KLHL1: variants seen among roughly 807,000 people sequenced by gnomAD.
The protein encoded by KLHL1 is kelch-like protein 1.
KLHL1 carries 47 observed loss-of-function variants against 77.7 expected under a neutral mutation model. The ratio of observed to expected loss-of-function variants is 0.60; its 90% CI spans 0.48 to 0.77. KLHL1 has a LOEUF of 0.77. KLHL1 is among the 30% of genes least tolerant of loss of function. The pLI, the probability that KLHL1 is intolerant of heterozygous loss-of-function variation, is 0.00. For synonymous variants in KLHL1, 360 were observed against 325.2 expected (o/e 1.11, Z -1.15); for missense variants, 925 against 910.8 (o/e 1.02, Z -0.20).
chr13:69,920,522 G>C (rs1882597943), intron 4 of KLHL1, among the ~76,000 whole-genome samples: 1 of 151,824 alleles, frequency 6.6e-6, no homozygotes, highest in South Asian at 2.1e-4. Flanking sequence ...ATATATCCTT[G>C]GATTGAATTA....
At chr13:69,713,217 G>A (rs915488275) in intron 9 of KLHL1, among the ~76,000 whole-genome samples, 2 of 151,956 alleles carry the variant, frequency 1.3e-5, no homozygotes, top group African/African-American at 2.4e-5. Context: ...GAAATTATTC[G>A]ATATTTATCA....
In KLHL1 at chr13:69,893,391, C is replaced by T. The variant is rs551786748; in HGVS notation, c.1015-10896G>A. On this transcript the variant is annotated intron_variant, in intron 4 of 10. Coordinates refer to ENST00000377844, the MANE Select transcript of KLHL1 (RefSeq NM_020866.3). ...CTGGGACTACAGGCGCCCGCCACCG[C>T]GCCTGGCTAATTTTTTGTATTTTTA... Among the ~76,000 whole-genome samples, 936 of 151,840 alleles carry T rather than the reference C, an allele frequency of 6.2e-3. 18 individuals are homozygous for T. Among genetic ancestry groups the T allele is most frequent in the Admixed American group, 0.046 (696 of 15,234 alleles).
chr13:70,047,725 C>T (rs1033143457), intron 1 of KLHL1, among the ~76,000 whole-genome samples: 1 of 152,136 alleles, frequency 6.6e-6, no homozygotes, highest in Non-Finnish European at 1.5e-5. Flanking sequence ...AACACAATTA[C>T]ATTCTTAACT....
At chr13:70,021,282 C>G (rs917485054) in intron 1 of KLHL1, among the ~76,000 whole-genome samples, 2 of 152,044 alleles carry the variant, frequency 1.3e-5, no homozygotes, top group Non-Finnish European at 2.9e-5. Context: ...TTCAGATTGA[C>G]CTTTTCCACT....
chr13:70,104,440 C>T (rs1455804147), intron 1 of KLHL1, among the ~76,000 whole-genome samples: 1 of 152,128 alleles, frequency 6.6e-6, no homozygotes, highest in Non-Finnish European at 1.5e-5. Flanking sequence ...AGATTGTGAG[C>T]AACTTTCCCC....
chr13:69,765,295 T>C (rs1033469217), intron 7 of KLHL1, among the ~76,000 whole-genome samples: 1 of 152,110 alleles, frequency 6.6e-6, no homozygotes, highest in African/African-American at 2.4e-5. Context: ...AGTTCATTAA[T>C]ACATTTATAT....
rs71116960 is a variant in KLHL1 at position 69,926,946 on chromosome 13, C to CAAAAAAAAAAAAAAAAAAA, written c.1014+13075_1014+13093dup. 8.3e-5 allele frequency among the ~76,000 whole-genome samples: 3 copies of CAAAAAAAAAAAAAAAAAAA among 36,034 alleles called. 1 individual carries two copies. Among genetic ancestry groups the CAAAAAAAAAAAAAAAAAAA allele is most frequent in the African/African-American group, 1.3e-4 (1 of 7,790 alleles). 23.6% of individuals were successfully genotyped at this position (36,034 alleles called of 152,430 possible). A position where few individuals can be genotyped will look rare whatever the true frequency, so the allele number is the denominator to read the frequency against. ...TGGGTGACAGAGTGAGACTCCATCTCAAAAAAAAAAAAAAAAAAAAAAAAG... is the reference window on the plus strand; with the variant it reads ...TGGGTGACAGAGTGAGACTCCATCTCAAAAAAAAAAAAAAAAAAAAAAAAAAAAAAAAAAAAAAAAAAAG... On this transcript the variant is annotated intron_variant, in intron 4 of 10. Coordinates refer to ENST00000377844, the MANE Select transcript of KLHL1 (RefSeq NM_020866.3).
rs1872945282 is a variant in KLHL1 at position 69,719,510 on chromosome 13, T to C, written c.1874A>G (p.Asn625Ser). 1 of 1,613,554 alleles carries C rather than the reference T, an allele frequency of 6.2e-7. No individual in the cohort carries two copies. ...SSMEYYDPHT[N>S]KWNMCAPMCK... ...CATGGGAGCACACATGTTCCACTTA[T>C]TTGTATGAGGATCATAATATTCCAT... The change falls in exon 9 of 11, where the codon AAT (asparagine) becomes AGT (serine). Residue 625 changes from asparagine to serine, a missense_variant. Physicochemically the swap from Asn to Ser is conservative, Grantham distance 46. Coordinates refer to ENST00000377844, the MANE Select transcript of KLHL1 (RefSeq NM_020866.3).
chr13:69,939,680 C>T (rs941921084), intron 4 of KLHL1, among the ~76,000 whole-genome samples: 2 of 152,064 alleles, frequency 1.3e-5, no homozygotes, highest in African/African-American at 2.4e-5. Context: ...GAATGCAACA[C>T]GTGGAGGTTC....
At chr13:69,898,893 G>A (rs1196243461) in intron 4 of KLHL1, among the ~76,000 whole-genome samples, 1 of 152,126 alleles carries the variant, frequency 6.6e-6, no homozygotes, top group African/African-American at 2.4e-5. Context: ...GATTATAAGT[G>A]GTCCAATGCT....
At chr13:69,870,695 C>G (rs1880548101) in intron 5 of KLHL1, among the ~76,000 whole-genome samples, 1 of 151,642 alleles carries the variant, frequency 6.6e-6, no homozygotes, top group Non-Finnish European at 1.5e-5. Flanking sequence ...GTAAACATTC[C>G]CATTCCAAAA....
chr13:69,765,728 A>G (rs1391558125), intron 7 of KLHL1, among the ~76,000 whole-genome samples: 3 of 152,156 alleles, frequency 2.0e-5, no homozygotes, highest in Non-Finnish European at 4.4e-5. Flanking sequence ...GAGCAGAGGT[A>G]TACTTTGGAA....
At position 69,893,395 on chromosome 13, in the gene KLHL1, T is replaced by G. The variant is rs537118483; in HGVS notation, c.1015-10900A>C. Among the ~76,000 whole-genome samples, 931 of 151,934 alleles carry G rather than the reference T, an allele frequency of 6.1e-3. 18 individuals carry two copies. Among genetic ancestry groups the G allele is most frequent in the Admixed American group, 0.045 (691 of 15,236 alleles). ...GACTACAGGCGCCCGCCACCGCGCC[T>G]GGCTAATTTTTTGTATTTTTAGTAG... On this transcript the variant is annotated intron_variant, in intron 4 of 10. Coordinates refer to ENST00000377844, the MANE Select transcript of KLHL1 (RefSeq NM_020866.3).
intron 7 of KLHL1, among the ~76,000 whole-genome samples, chr13:69,787,265 C>T (rs1876604268): frequency 6.6e-6 from 1 of 152,118 alleles, no homozygotes; most frequent in African/African-American, 2.4e-5. Flanking sequence ...AACTATACTA[C>T]AAGGCTACAG....
At chr13:69,827,052 ATGTG>A (rs1593866020) in intron 6 of KLHL1, among the ~76,000 whole-genome samples, 1 of 151,474 alleles carries the variant, frequency 6.6e-6, no homozygotes, top group African/African-American at 2.4e-5. Flanking sequence ...AAATTTTGAA[ATGTG>A]GGCTGAATTT....
rs78737280 is a variant in KLHL1, at chr13:69,885,331, G to A, written c.1015-2836C>T. ...TACACTAAATCTTTTGGTAACCAGC[G>A]GCGTTGTTTGTACAAACTGCTATAA... is the stretch of plus-strand genomic sequence containing the variant. On this transcript the variant is annotated intron_variant, in intron 4 of 10. Transcript: ENST00000377844. Among the ~76,000 whole-genome samples, 1,006 of 152,018 alleles carry A rather than the reference G, an allele frequency of 6.6e-3. 12 individuals carry two copies. Among genetic ancestry groups the A allele is most frequent in the African/African-American group, 0.023 (970 of 41,460 alleles).
intron 3 of KLHL1, among the ~76,000 whole-genome samples, chr13:69,951,366 A>T (rs1017746606): frequency 1.3e-5 from 2 of 151,462 alleles, no homozygotes; most frequent in Non-Finnish European, 3.0e-5. Flanking sequence ...GGAGATAGAA[A>T]GTGGTAAGTA....
At chr13:69,766,435 T>C (rs1875305749) in intron 7 of KLHL1, among the ~76,000 whole-genome samples, 1 of 151,052 alleles carries the variant, frequency 6.6e-6, no homozygotes, top group Admixed American at 6.6e-5. Context: ...TTTTTGAACT[T>C]CCAATTTTTA....
chr13:69,862,165 CTT>C (rs1213668105), intron 5 of KLHL1, among the ~76,000 whole-genome samples: 2 of 151,634 alleles, frequency 1.3e-5, no homozygotes. Context: ...TTTGAACAAA[CTT>C]TGTTAGAGAA....
Sources: gnomAD v4.1 joint callset for allele counts (sites outside exome capture counted in the v4.1 genomes callset) on GRCh38, gnomAD v4.1.1 for gene constraint, MANE v1.5 for transcripts, NCBI Gene and HGNC (gene_info 2026-07-23, HGNC 2026-07-21) for gene names.